Variants in FRMD6 observed in about 807,000 individuals in gnomAD.
The protein encoded by FRMD6 is FERM domain containing 6.
FRMD6 carries 37 observed loss-of-function variants against 73.2 expected under a neutral mutation model. That is an observed-to-expected ratio of 0.51 (90% confidence interval 0.39 to 0.66). The LOEUF is 0.66. Ranked by LOEUF, FRMD6 falls within the 30% of genes least tolerant of loss-of-function variation. The pLI is 0.00. For synonymous variants in FRMD6, 273 were observed against 282.2 expected (o/e 0.97, Z 0.33); for missense variants, 714 against 780.5 (o/e 0.91, Z 1.02).
the FRMD6 span, among the ~76,000 whole-genome samples, chr14:51,407,610 AT>A: frequency 7.2e-4 from 109 of 151,896 alleles, 1 homozygote; most frequent in African/African-American, 2.3e-3. Flanking sequence ...GAATTTGTCA[AT>A]TTTTTCTTTT....
At chr14:51,461,416 C>A in the FRMD6 span, among the ~76,000 whole-genome samples, 1 of 152,102 alleles carries the variant, frequency 6.6e-6, no homozygotes, top group East Asian at 1.9e-4. Flanking sequence ...TAAAGTTTAG[C>A]TATAAGTTAA....
Position 51,688,683 on chromosome 14 carries a change from A to AC in FRMD6, c.-146-1007dup, listed in dbSNP as rs1468100539. Among the ~76,000 whole-genome samples the AC allele has an allele frequency of 2.6e-5, 4 of 152,338 alleles. No individual in the cohort carries two copies. The East Asian group carries it at 7.7e-4, about 29-fold the overall frequency. On this transcript the variant is annotated intron_variant, in intron 1 of 13. Transcript: ENST00000344768. Reference sequence around the variant, plus strand: ...AATATAAATACTAATGGTTTGACAGACGACTAGTCTTGACTTGTCTTGGTT... The same window carrying AC: ...AATATAAATACTAATGGTTTGACAGACCGACTAGTCTTGACTTGTCTTGGTT...
chr14:51,681,872 T>A (rs1894821983), intron 1 of FRMD6, among the ~76,000 whole-genome samples: 1 of 152,198 alleles, frequency 6.6e-6, no homozygotes, highest in South Asian at 2.1e-4. Flanking sequence ...ATTTTCAAAT[T>A]ACATATCAAC....
At chr14:51,606,660 G>A (rs192496587) in intron 2 of FRMD6, among the ~76,000 whole-genome samples, 215 of 152,320 alleles carry the variant, frequency 1.4e-3, no homozygotes, top group Admixed American at 3.2e-3. Context: ...CAGAGAGACA[G>A]AGCCAATAGG....
Position 51,613,494 on chromosome 14 carries a change from G to A in FRMD6, c.-147+43084G>A, listed in dbSNP as rs562589162. 1.7e-4 allele frequency among the ~76,000 whole-genome samples: 26 copies of A among 152,272 alleles called. No homozygotes were observed. In the South Asian group the frequency reaches 2.3e-3, roughly 13 times the overall value. On this transcript the variant is annotated intron_variant, in intron 2 of 14. Transcript: ENST00000356218. Reference sequence around the variant, plus strand: ...TGTGGATATGTGTACTTCTAAATCCGGAGGGAGAGATATTATGGAGTCTGT... The same window carrying A: ...TGTGGATATGTGTACTTCTAAATCCAGAGGGAGAGATATTATGGAGTCTGT...
chr14:51,686,869 A>G (rs1242609411), intron 1 of FRMD6, among the ~76,000 whole-genome samples: 1 of 152,154 alleles, frequency 6.6e-6, no homozygotes, highest in East Asian at 1.9e-4. Context: ...TAAGTTTTAT[A>G]CTGGTGCATA....
At chr14:51,551,393 A>G (rs1886825200) in intron 1 of FRMD6, among the ~76,000 whole-genome samples, 1 of 152,228 alleles carries the variant, frequency 6.6e-6, no homozygotes. Context: ...TTGTAATCCT[A>G]TTATACACAG....
rs1898161423 is a variant in FRMD6 at position 51,729,692 on chromosome 14, C to T, written c.*1663C>T. The T allele has an allele frequency of 6.6e-6, 1 of 152,496 alleles. No individual in the cohort carries two copies. Among genetic ancestry groups the T allele is most frequent in the Admixed American group, 6.5e-5 (1 of 15,268 alleles). The allele number at this position is 152,496 out of a possible 1,614,324, so 9.4% of individuals were successfully genotyped here. ...GATGTAGGGTACAGTGGAACATAAG[C>T]AGTGTTACCCCTGGCTGGGAGTCAG... On this transcript the variant is annotated 3_prime_UTR_variant, in exon 14 of 14. Transcript: ENST00000344768.
chr14:51,653,669 C>CTGA (rs1892598455), intron 1 of FRMD6, among the ~76,000 whole-genome samples: 1 of 152,168 alleles, frequency 6.6e-6, no homozygotes, highest in Admixed American at 6.5e-5. Context: ...GATGCCTTTG[C>CTGA]TGATGTCCTT....
At chr14:51,471,297 G>A in the FRMD6 span, among the ~76,000 whole-genome samples, 4 of 152,080 alleles carry the variant, frequency 2.6e-5, no homozygotes, top group African/African-American at 9.7e-5. Flanking sequence ...AGACCATTCT[G>A]GCTAACACAG....
intron 1 of FRMD6, among the ~76,000 whole-genome samples, chr14:51,671,719 A>C (rs777510638): frequency 6.6e-6 from 1 of 152,346 alleles, no homozygotes; most frequent in South Asian, 2.1e-4. Context: ...CCCTAAAGAA[A>C]TCAGCAGTTG....
chr14:51,436,786 TGAA>T, the FRMD6 span: 1 of 538,712 alleles, frequency 1.9e-6, no homozygotes, highest in Non-Finnish European at 3.4e-6. Flanking sequence ...ATGATGAAGA[TGAA>T]GAAGGAGAAG....
At chr14:51,436,761 GAGAAGGAGAAGATGATGATGAAGATGA>G in the FRMD6 span, 18 of 539,592 alleles carry the variant, frequency 3.3e-5, no homozygotes, top group East Asian at 2.7e-4. Flanking sequence ...GATGAAGAAG[GAGAAGGAGAAGATGATGATGAAGATGA>G]AGAAGGAGAA....
At chr14:51,494,849 T>A (rs1248847255) in intron 1 of FRMD6, among the ~76,000 whole-genome samples, 1 of 152,220 alleles carries the variant, frequency 6.6e-6, no homozygotes, top group East Asian at 1.9e-4. Flanking sequence ...GGTTTCTGTT[T>A]AGATAGTTGA....
chr14:51,523,590 T>C (rs1344347609), intron 1 of FRMD6, among the ~76,000 whole-genome samples: 1 of 152,238 alleles, frequency 6.6e-6, no homozygotes, highest in African/African-American at 2.4e-5. Context: ...GCTGCTTGGC[T>C]GTCTGGCCAT....
chr14:51,537,520 G>A (rs1885964180), intron 1 of FRMD6, among the ~76,000 whole-genome samples: 3 of 152,192 alleles, frequency 2.0e-5, no homozygotes, highest in Non-Finnish European at 4.4e-5. Context: ...GGTCAATCCC[G>A]TGGAGTGTGA....
intron 1 of FRMD6, among the ~76,000 whole-genome samples, chr14:51,665,976 T>C (rs887887057): frequency 2.0e-5 from 3 of 152,224 alleles, no homozygotes; most frequent in Non-Finnish European, 2.9e-5. Flanking sequence ...TGTAAATTGC[T>C]GAGTCTCAGG....
chr14:51,702,474 A>G, intron 4 of FRMD6, 38 bp from the exon 5 acceptor site: 2 of 1,563,206 alleles, frequency 1.3e-6, no homozygotes, highest in Non-Finnish European at 1.8e-6. Context: ...CAAAGTAACT[A>G]GAAATAGCTT....
intron 2 of FRMD6, among the ~76,000 whole-genome samples, chr14:51,694,902 C>T (rs1380969254): frequency 2.0e-5 from 3 of 152,140 alleles, no homozygotes; most frequent in African/African-American, 7.2e-5. Context: ...GCAGGCAAGA[C>T]TTCAGAGCCA....
Sources: gnomAD v4.1 joint callset for allele counts (sites outside exome capture counted in the v4.1 genomes callset) on GRCh38, gnomAD v4.1.1 for gene constraint, MANE v1.5 for transcripts, NCBI Gene and HGNC (gene_info 2026-07-23, HGNC 2026-07-21) for gene names.